The following SUGP1 variants were observed in gnomAD, a reference collection of about 807,000 sequenced individuals.
SUGP1 encodes SURP and G-patch domain-containing protein 1.
In SUGP1, 34 loss-of-function variants were observed where a neutral mutation model predicts 76.5. That is an observed-to-expected ratio of 0.44 (90% CI 0.34 to 0.59). SUGP1 has a LOEUF of 0.59. Among genes scored for constraint, SUGP1 ranks in the 20% least tolerant of loss-of-function variants. The probability of loss-of-function intolerance (pLI) is 0.01; values close to 1 mark genes in which losing one functional copy is unlikely to be tolerated. For synonymous variants in SUGP1, 326 were observed against 326.2 expected (o/e 1.00, Z 0.01); for missense variants, 752 against 851.7 (o/e 0.88, Z 1.46).
chr19:19,277,259 G>C (rs991097107), intron 12 of SUGP1, among the ~76,000 whole-genome samples, 183 bp from the exon 13 acceptor site: 2 of 150,164 alleles, frequency 1.3e-5, no homozygotes, highest in African/African-American at 4.9e-5. Flanking sequence ...GGCGGGGGGG[G>C]GGGGCCTAGG....
chr19:19,302,090 G>A (rs1345116094), intron 7 of SUGP1, 175 bp downstream of exon 7: 9 of 995,534 alleles, frequency 9.0e-6, no homozygotes, highest in Admixed American at 2.5e-5. Flanking sequence ...TGGTGTGTGC[G>A]TGGGACATGC....
intron 7 of SUGP1, among the ~76,000 whole-genome samples, chr19:19,299,371 T>C (rs2061253320): frequency 8.3e-6 from 1 of 120,846 alleles, no homozygotes; most frequent in East Asian, 2.2e-4. Flanking sequence ...CTTTTCTTTT[T>C]TTTCTTCCTT....
At chr19:19,303,609 C>G in intron 5 of SUGP1, 115 bp downstream of exon 5, 1 of 1,439,792 alleles carries the variant, frequency 6.9e-7, no homozygotes, top group Non-Finnish European at 9.7e-7. Context: ...TGGTGAGAAT[C>G]AGAAAACGCT....
In SUGP1 at chr19:19,306,085, G is replaced by C; in HGVS notation, c.311-9C>G. 1.3e-6 allele frequency: 2 copies of C among 1,571,596 alleles called. No individual in the cohort carries two copies. Among genetic ancestry groups the C allele is most frequent in the Non-Finnish European group, 8.6e-7 (1 of 1,158,768 alleles). On this transcript the variant is annotated splice_polypyrimidine_tract_variant and intron_variant, in intron 3 of 13. Coordinates refer to ENST00000247001, the MANE Select transcript of SUGP1 (RefSeq NM_172231.4). Reference sequence around the variant, plus strand: ...CGCACTGGTCGGGGCGTCTGGTATAGAAGGAAGGATATGCGCACTCGGGAT... The same window carrying C: ...CGCACTGGTCGGGGCGTCTGGTATACAAGGAAGGATATGCGCACTCGGGAT...
At position 19,310,148 on chromosome 19, in the gene SUGP1, C is replaced by G; in HGVS notation, c.259G>C (p.Gly87Arg). The G allele has an allele frequency of 6.2e-7, 1 of 1,613,750 alleles. No homozygotes were observed. Among genetic ancestry groups the G allele is most frequent in the Non-Finnish European group, 8.5e-7 (1 of 1,179,752 alleles). The change falls in exon 3 of 14, where the codon GGT becomes CGT. Residue 87 changes from glycine to arginine, a missense_variant. Around this residue, in one of 2 missense-constraint regions of SUGP1, gnomAD observed 620 missense variants for 617.3 expected, o/e 1.00. Transcript: ENST00000247001. ...SCISNKFAND[G>R]SFLQQFLKLQ... is the part of the protein sequence containing the mutation. ...TTCAGAAACTGCTGCAAGAAGCTAC[C>G]ATCGTTGGCAAACTTGTTGGAAATG...
At chr19:19,276,787 C>A (rs2061052796) in intron 13 of SUGP1, 113 bp from the exon 14 acceptor site, 2 of 1,567,882 alleles carry the variant, frequency 1.3e-6, no homozygotes, top group East Asian at 2.2e-5. Flanking sequence ...GGTGGCAGGG[C>A]AGGCTTGGGG....
chr19:19,316,491 A>G lies in SUGP1; in HGVS notation c.137T>C (p.Ile46Thr). 1 of 1,613,678 alleles carries G rather than the reference A, an allele frequency of 6.2e-7. No homozygotes were observed. The highest frequency in any genetic ancestry group is 8.5e-7 in the Non-Finnish European group (1 of 1,179,986). The change falls in exon 2 of 14, where the codon ATT (isoleucine) becomes ACT (threonine). Residue 46 changes from isoleucine (I) to threonine (T), a missense_variant. Ile to Thr is a moderately conservative substitution (Grantham distance 89). This residue lies in a region of SUGP1 where 620 missense variants were observed against 617.3 expected (regional missense o/e 1.00). Coordinates refer to ENST00000247001, the MANE Select transcript of SUGP1 (RefSeq NM_172231.4). Reference protein sequence around the residue: ...EELIAQKKREIEAKMEQKAKQ... With the variant: ...EELIAQKKRETEAKMEQKAKQ... ...GGCTTTCTGTTCCATTTTGGCTTCA[A>G]TTTCCCGTTTCTTCTGAGCGATGAG...
intron 3 of SUGP1, 75 bp downstream of exon 3, chr19:19,310,022 A>G (rs2061342783): frequency 1.7e-6 from 2 of 1,187,452 alleles, no homozygotes; most frequent in South Asian, 2.5e-5. Context: ...GGTGGGACCC[A>G]TCACTTCCCA....
In SUGP1 at chr19:19,300,812, C is replaced by T. The variant is rs1046846398; in HGVS notation, c.887+1453G>A. Among the ~76,000 whole-genome samples the T allele has an allele frequency of 3.3e-5, 5 of 152,272 alleles. 1 individual carries two copies. The highest frequency in any genetic ancestry group is 2.6e-4 in the Admixed American group (4 of 15,288). The stretch of plus-strand genomic sequence containing the variant: ...TGACAAGCTGGGCGCCTGTCAGCAA[C>T]ACCCCAGAACAGAAAGGACACACAG... On this transcript the variant is annotated intron_variant, in intron 7 of 13. Transcript: ENST00000247001.
chr19:19,305,976 G>A lies in SUGP1; in HGVS notation c.411C>T (p.Ala137=), dbSNP rs765124521. The A allele has an allele frequency of 6.3e-5, 101 of 1,611,978 alleles. No homozygotes were observed. Among genetic ancestry groups the A allele is most frequent in the Admixed American group, 8.3e-5 (5 of 59,972 alleles). ...LISRRTGLGL[A]SLPGPVKSYS... The stretch of plus-strand genomic sequence containing the variant: ...AGCTCTTCACAGGGCCCGGCAGGCT[G>A]GCCAGCCCCAGGCCTGTCCGCCTGC... The change falls in exon 4 of 14, where the codon GCC becomes GCT. Residue 137 remains alanine, a synonymous_variant. Coordinates refer to ENST00000247001, the MANE Select transcript of SUGP1 (RefSeq NM_172231.4).
chr19:19,306,402 C>G (rs1235540331), intron 3 of SUGP1, among the ~76,000 whole-genome samples: 2 of 152,298 alleles, frequency 1.3e-5, no homozygotes, highest in Non-Finnish European at 2.9e-5. Flanking sequence ...AGACCCGAGT[C>G]CCCGAATCCC....
At chr19:19,280,008 A>G (rs1287777328) in intron 9 of SUGP1, among the ~76,000 whole-genome samples, 177 bp downstream of exon 9, 1 of 152,128 alleles carries the variant, frequency 6.6e-6, no homozygotes, top group East Asian at 1.9e-4. Context: ...GTGGCATGCC[A>G]CCTACTGGGG....
At chr19:19,291,576 C>T (rs1299776603) in intron 8 of SUGP1, among the ~76,000 whole-genome samples, 4 of 151,744 alleles carry the variant, frequency 2.6e-5, no homozygotes, top group African/African-American at 9.7e-5. Context: ...AATCAGGATT[C>T]GAAAAAACCT....
chr19:19,313,864 T>C (rs550703294), intron 2 of SUGP1, among the ~76,000 whole-genome samples: 1 of 151,874 alleles, frequency 6.6e-6, no homozygotes, highest in South Asian at 2.1e-4. Flanking sequence ...ATGGCCGGGC[T>C]CAGAGACTTA....
At chr19:19,314,333 A>C (rs542432180) in intron 2 of SUGP1, among the ~76,000 whole-genome samples, 1 of 151,620 alleles carries the variant, frequency 6.6e-6, no homozygotes, top group African/African-American at 2.4e-5. Context: ...AAAATAAATA[A>C]ATTAATTAAT....
At chr19:19,279,760 A>G (rs2061083242) in intron 9 of SUGP1, among the ~76,000 whole-genome samples, 1 of 152,176 alleles carries the variant, frequency 6.6e-6, no homozygotes, top group Admixed American at 6.5e-5. Flanking sequence ...CTGCCCAACT[A>G]CAACTGGGAG....
chr19:19,310,222 GA>G, intron 2 of SUGP1, 22 bp from the exon 3 acceptor site: 1 of 1,585,950 alleles, frequency 6.3e-7, no homozygotes, highest in Non-Finnish European at 8.7e-7. Context: ...ACAGAGGACA[GA>G]GAGGGTGAGC....
chr19:19,307,536 T>A (rs74354034), intron 3 of SUGP1, among the ~76,000 whole-genome samples: 58 of 152,238 alleles, frequency 3.8e-4, no homozygotes, highest in Non-Finnish European at 6.6e-4. Flanking sequence ...GGGTCAAACA[T>A]CTGAAACTAC....
At position 19,309,998 on chromosome 19, in the gene SUGP1, G is replaced by A; in HGVS notation, c.310+99C>T. On this transcript the variant is annotated intron_variant, in intron 3 of 13. Transcript: ENST00000247001. ...ATGAGGGCGATCTATGATTACCGGT[G>A]AGCAGGAGTCTGAGGTGGGACCCAT... 4 of 808,980 alleles carry A rather than the reference G, an allele frequency of 4.9e-6. No homozygotes were observed. In the South Asian group the frequency reaches 5.7e-5, roughly 12 times the overall value. 50.1% of individuals were successfully genotyped at this position (808,980 alleles called of 1,614,324 possible).
Sources: allele counts gnomAD v4.1 joint callset (sites outside exome capture counted in the v4.1 genomes callset), GRCh38; gene constraint gnomAD v4.1.1; regional missense constraint gnomAD v4.1.1; transcripts MANE v1.5; gene names NCBI Gene and HGNC (gene_info 2026-07-23, HGNC 2026-07-21).